UNC79: variants seen among roughly 807,000 people sequenced by gnomAD.
UNC79 encodes protein unc-79 homolog.
A neutral mutation model predicts 283.1 loss-of-function variants in UNC79; 37 were observed. The ratio of observed to expected loss-of-function variants is 0.13; its 90% CI spans 0.10 to 0.17. UNC79 has a LOEUF of 0.17. Among genes scored for constraint, UNC79 ranks in the 10% least tolerant of loss-of-function variants. The pLI, the probability that UNC79 is intolerant of heterozygous loss-of-function variation, is 1.00. For synonymous variants in UNC79, 1,107 were observed against 1,200.2 expected, an observed-to-expected ratio of 0.92 and a Z score of 1.61; for missense variants, 2,272 against 3,211.1, an observed-to-expected ratio of 0.71 and a Z score of 7.07.
chr14:93,695,522 C>T (rs765269482), intron 47 of UNC79, among the ~76,000 whole-genome samples: 6 of 152,114 alleles, frequency 3.9e-5, no homozygotes, highest in South Asian at 2.1e-4. Flanking sequence ...ATATTTAAAA[C>T]GTGCAGTTTG....
intron 1 of UNC79, among the ~76,000 whole-genome samples, chr14:93,347,674 G>C (rs147942324): frequency 0.017 from 2,565 of 152,148 alleles, 82 homozygotes; most frequent in African/African-American, 0.059. Flanking sequence ...ACCCTTTACC[G>C]GCACCTGGCT....
chr14:93,459,781 C>T (rs1291882007), intron 1 of UNC79, among the ~76,000 whole-genome samples: 1 of 104,304 alleles, frequency 9.6e-6, no homozygotes, highest in Non-Finnish European at 1.9e-5. Flanking sequence ...TGCCATTCTC[C>T]TGCCTCAGCC....
At chr14:93,388,385 C>T (rs1427304007) in intron 1 of UNC79, among the ~76,000 whole-genome samples, 2 of 152,170 alleles carry the variant, frequency 1.3e-5, no homozygotes, top group African/African-American at 4.8e-5. Flanking sequence ...CTCTTTCTCC[C>T]TTTCTTCCTT....
At chr14:93,388,896 G>T (rs191016762) in intron 1 of UNC79, among the ~76,000 whole-genome samples, 1 of 152,298 alleles carries the variant, frequency 6.6e-6, no homozygotes, top group African/African-American at 2.4e-5. Context: ...ATCATTTTGT[G>T]TTCCAATGTA....
chr14:93,591,646 C>G (rs918939920), intron 22 of UNC79, among the ~76,000 whole-genome samples: 18 of 152,302 alleles, frequency 1.2e-4, no homozygotes, highest in African/African-American at 4.3e-4. Context: ...AGCTGCAGAC[C>G]TCAAGCTATG....
In UNC79 at chr14:93,617,448, A is replaced by C; in HGVS notation, c.4224+144A>C. 1 of 807,732 alleles carries C rather than the reference A, an allele frequency of 1.2e-6. No individual in the cohort carries two copies. Among genetic ancestry groups the C allele is most frequent in the South Asian group, 2.3e-5 (1 of 42,946 alleles). 50.0% of individuals were successfully genotyped at this position (807,732 alleles called of 1,614,324 possible). On this transcript the variant is annotated intron_variant, in intron 28 of 48. Coordinates refer to ENST00000555664, the Ensembl canonical transcript of UNC79. This position sits in a 1 kb window ranked among gnomAD's most constrained non-coding sequence, Gnocchi z 4.5. ...AGATCAGGATATGCAATTACTGTTA[A>C]GAACCAAAGAGCTATTGAAATGAAA...
At chr14:93,608,384 A>C (rs1454716705) in intron 26 of UNC79, among the ~76,000 whole-genome samples, 1 of 152,216 alleles carries the variant, frequency 6.6e-6, no homozygotes, top group Non-Finnish European at 1.5e-5. Flanking sequence ...GGAAGGTCTC[A>C]TGGACAGGTG....
At chr14:93,368,481 C>CTT (rs201603284) in intron 1 of UNC79, among the ~76,000 whole-genome samples, 5 of 151,318 alleles carry the variant, frequency 3.3e-5, no homozygotes, top group Admixed American at 1.3e-4. Flanking sequence ...ATGCCATTTT[C>CTT]TTTTTTTTTG....
intron 4 of UNC79, among the ~76,000 whole-genome samples, chr14:93,479,903 G>C (rs2058036675): frequency 6.6e-6 from 1 of 152,222 alleles, no homozygotes; most frequent in African/African-American, 2.4e-5. Context: ...AAAGTGCTGG[G>C]AGGCGATGGT....
At chr14:93,692,056 A>C in intron 46 of UNC79, 110 bp downstream of exon 49, 4 of 1,266,998 alleles carry the variant, frequency 3.2e-6, no homozygotes, top group Non-Finnish European at 4.5e-6. Flanking sequence ...GGTTATATAA[A>C]TGGATCGGGG....
intron 1 of UNC79, among the ~76,000 whole-genome samples, chr14:93,381,850 A>G (rs1399680378): frequency 1.3e-5 from 2 of 152,198 alleles, no homozygotes; most frequent in African/African-American, 4.8e-5. Flanking sequence ...TTTACAAAAG[A>G]GTATGAGTCA....
intron 1 of UNC79, among the ~76,000 whole-genome samples, chr14:93,357,823 ATATATGGATATG>A (rs1425110915): frequency 4.4e-5 from 4 of 91,104 alleles, no homozygotes; most frequent in East Asian, 4.5e-4. Context: ...ATATATATGG[ATATATGGATATG>A]TATATATATG....
chr14:93,705,800 A>G (rs1355497051), intron 48 of UNC79, among the ~76,000 whole-genome samples: 2 of 152,204 alleles, frequency 1.3e-5, no homozygotes, highest in East Asian at 3.9e-4. Flanking sequence ...AAAGCTGGAA[A>G]GTTTTTTGCT....
In UNC79 at chr14:93,690,245, G is replaced by C; in HGVS notation, c.7214G>C (p.Gly2405Ala). 1.2e-6 allele frequency: 2 copies of C among 1,614,126 alleles called. No individual in the cohort carries two copies. The highest frequency in any genetic ancestry group is 8.5e-7 in the Non-Finnish European group (1 of 1,180,044). Residue 2405 changes from glycine (G) to alanine (A), a missense_variant, in exon 45 of 49, where the codon GGC (glycine) becomes GCC (alanine). By Grantham distance (60) the Gly-to-Ala change is moderately conservative. Transcript: ENST00000555664. The surrounding 1 kb of genome is among the most constrained non-coding windows in gnomAD (Gnocchi z 4.3). ...TGCCTGCCCATTCCTCTGGATGCAGGCTCCCACGTTGCAGACCATCTTATT... is the reference window on the plus strand; with the variant it reads ...TGCCTGCCCATTCCTCTGGATGCAGCCTCCCACGTTGCAGACCATCTTATT...
At chr14:93,347,537 C>A (rs1292342593) in intron 1 of UNC79, 12 of 1,055,414 alleles carry the variant, frequency 1.1e-5, no homozygotes, top group Middle Eastern at 3.3e-4. Context: ...GGGGAGGTTC[C>A]TGTGGCTTGG....
In UNC79 at chr14:93,621,841, G is replaced by C; in HGVS notation, c.4608G>C (p.Ala1536=). Reference sequence around the variant, plus strand: ...TAGAGAAGCCTCCGACCCAAGCTGCGTATATCGCACAAAGACCAAACGACC... The same window carrying C: ...TAGAGAAGCCTCCGACCCAAGCTGCCTATATCGCACAAAGACCAAACGACC... The change falls in exon 30 of 49, where the codon GCG becomes GCC. Residue 1536 remains alanine, a synonymous_variant. Coordinates refer to ENST00000555664, the Ensembl canonical transcript of UNC79. The surrounding 1 kb of genome is among the most constrained non-coding windows in gnomAD (Gnocchi z 4.8). The C allele has an allele frequency of 6.3e-7, 1 of 1,584,682 alleles. No individual in the cohort carries two copies. Among genetic ancestry groups the C allele is most frequent in the Non-Finnish European group, 8.6e-7 (1 of 1,163,326 alleles).
At chr14:93,568,076 A>G (rs1024981589) in intron 14 of UNC79, among the ~76,000 whole-genome samples, 1 of 152,036 alleles carries the variant, frequency 6.6e-6, no homozygotes, top group Admixed American at 6.5e-5. Context: ...CTTTGAATAG[A>G]ATGGGAGGCA....
chr14:93,388,005 A>G (rs1347003794), intron 1 of UNC79, among the ~76,000 whole-genome samples: 1 of 152,086 alleles, frequency 6.6e-6, no homozygotes, highest in Non-Finnish European at 1.5e-5. Context: ...CTCTTCTGAT[A>G]GTTTTTGTCT....
chr14:93,580,192 G>C (rs2141731513), exon 19 of UNC79: 2 of 1,614,028 alleles, frequency 1.2e-6, no homozygotes, highest in East Asian at 4.5e-5. Context: ...TTAGAGCACA[G>C]CTTATCAAAG....
Sources: gnomAD v4.1 joint callset for allele counts (sites outside exome capture counted in the v4.1 genomes callset) on GRCh38, gnomAD v4.1.1 for gene constraint, Gnocchi (gnomAD v3.1) non-coding constraint, MANE v1.5 for transcripts, NCBI Gene and HGNC (gene_info 2026-07-23, HGNC 2026-07-21) for gene names.